ZNF750: variants seen among roughly 807,000 people sequenced by gnomAD.
ZNF750 encodes protein ZNF750.
In ZNF750, 10 loss-of-function variants were observed where a neutral mutation model predicts 31.6. The ratio of observed to expected loss-of-function variants is 0.32; its 90% CI spans 0.19 to 0.54. ZNF750 has a LOEUF of 0.54. Among genes scored for constraint, ZNF750 ranks in the 20% least tolerant of loss-of-function variants. The pLI is 0.95. For synonymous variants in ZNF750, 400 were observed against 404.9 expected, an observed-to-expected ratio of 0.99 and a Z score of 0.15; for missense variants, 914 against 934.9, an observed-to-expected ratio of 0.98 and a Z score of 0.29.
Position 82,832,899 on chromosome 17 carries a change from T to C in ZNF750, c.-182-263A>G, listed in dbSNP as rs74002542. Among the ~76,000 whole-genome samples the C allele has an allele frequency of 0.039, 5,969 of 152,192 alleles. 404 individuals are homozygous for C. Among genetic ancestry groups the C allele is most frequent in the African/African-American group, 0.13 (5,585 of 41,494 alleles). On this transcript the variant is annotated intron_variant, in intron 1 of 2. Coordinates refer to ENST00000269394, the MANE Select transcript of ZNF750 (RefSeq NM_024702.3). This position sits in a 1 kb window ranked among gnomAD's most constrained non-coding sequence, Gnocchi z 4.9. Reference sequence around the variant, plus strand: ...CTCGGGGCCTAGAGGTGGAGTGTGGTGTGTGGTGCGTTGAGTGTCTGTTCT... The same window carrying C: ...CTCGGGGCCTAGAGGTGGAGTGTGGCGTGTGGTGCGTTGAGTGTCTGTTCT...
At chr17:82,834,321 G>A (rs1418731725) in intron 1 of ZNF750, among the ~76,000 whole-genome samples, 1 of 152,200 alleles carries the variant, frequency 6.6e-6, no homozygotes, top group Non-Finnish European at 1.5e-5. Context: ...CAGCAACTGT[G>A]CCTGGGAGAC....
chr17:82,837,783 T>C (rs952215638), intron 1 of ZNF750, among the ~76,000 whole-genome samples: 2 of 152,252 alleles, frequency 1.3e-5, no homozygotes, highest in African/African-American at 4.8e-5. Flanking sequence ...CCCTGACTGC[T>C]GCTGGCTAAT....
chr17:82,837,669 A>G (rs1490451939), intron 1 of ZNF750, among the ~76,000 whole-genome samples: 1 of 152,172 alleles, frequency 6.6e-6, no homozygotes, highest in African/African-American at 2.4e-5. Flanking sequence ...TCCTCCTCTC[A>G]TTTCCCACTG....
At chr17:82,836,982 C>T (rs996920383) in intron 1 of ZNF750, among the ~76,000 whole-genome samples, 4 of 152,068 alleles carry the variant, frequency 2.6e-5, no homozygotes, top group Admixed American at 6.6e-5. Flanking sequence ...GAATTGGTGT[C>T]GATATGGAGT....
Position 82,835,816 on chromosome 17 carries a change from C to G in ZNF750, c.-182-3180G>C, listed in dbSNP as rs1237513587. Among the ~76,000 whole-genome samples the G allele has an allele frequency of 6.6e-6, 1 of 152,182 alleles. No individual in the cohort carries two copies. The highest frequency in any genetic ancestry group is 2.4e-5 in the African/African-American group (1 of 41,444). On this transcript the variant is annotated intron_variant, in intron 1 of 2. Coordinates refer to ENST00000269394, the MANE Select transcript of ZNF750 (RefSeq NM_024702.3). This position sits in a 1 kb window ranked among gnomAD's most constrained non-coding sequence, Gnocchi z 4.5. ...TTAAGTTCTTTAAGACATTTATTTA[C>G]TAAGAAGTGGTTTGGGTAGAAAAGG...
chr17:82,834,157 A>G (rs923063837), intron 1 of ZNF750, among the ~76,000 whole-genome samples: 1 of 152,130 alleles, frequency 6.6e-6, no homozygotes, highest in African/African-American at 2.4e-5. Context: ...CATGTGGGCC[A>G]GGCTGGTCTC....
intron 1 of ZNF750, among the ~76,000 whole-genome samples, chr17:82,836,440 C>T (rs1381032494): frequency 6.6e-6 from 1 of 152,242 alleles, no homozygotes; most frequent in Non-Finnish European, 1.5e-5. Flanking sequence ...GTGAGAGCTG[C>T]GTCCTCGCGA....
In ZNF750 at chr17:82,831,443, C is replaced by T; in HGVS notation, c.1012G>A (p.Val338Ile). ...FSSYGLRLPP[V>I]TGLTRDQSSH... Reference sequence around the variant, plus strand: ...CTCTGATCTCGGGTGAGGCCAGTGACAGGTGGGAGTCTGAGACCATAGGAG... The same window carrying T: ...CTCTGATCTCGGGTGAGGCCAGTGATAGGTGGGAGTCTGAGACCATAGGAG... The change falls in exon 2 of 3, where the codon GTC (valine) becomes ATC (isoleucine). Residue 338 changes from valine to isoleucine, a missense_variant. By Grantham distance (29) the Val-to-Ile change is conservative. Transcript: ENST00000269394. This position sits in a 1 kb window ranked among gnomAD's most constrained non-coding sequence, Gnocchi z 4.6. 1.2e-6 allele frequency: 2 copies of T among 1,614,154 alleles called. No homozygotes were observed. The highest frequency in any genetic ancestry group is 1.7e-6 in the Non-Finnish European group (2 of 1,180,022).
rs34808874 is a variant in ZNF750 at position 82,832,218 on chromosome 17, G to A, written c.237C>T (p.Pro79=). 588 of 1,614,232 alleles carry A rather than the reference G, an allele frequency of 3.6e-4. 3 individuals carry two copies. The African/African-American group carries it at 5.2e-3, about 14-fold the overall frequency. ...NSLDPKQTNQ[P]DATAKPASSK... is the part of the protein sequence containing the mutation. ...AAGAGGCTGGCTTCGCCGTGGCATC[G>A]GGCTGGTTGGTTTGCTTGGGGTCTA... The change falls in exon 2 of 3, where the codon CCC becomes CCT. Residue 79 remains proline, a synonymous_variant. Coordinates refer to ENST00000269394, the MANE Select transcript of ZNF750 (RefSeq NM_024702.3). The surrounding 1 kb of genome is among the most constrained non-coding windows in gnomAD (Gnocchi z 4.9).
chr17:82,839,251 TG>T (rs1213483261), intron 1 of ZNF750, among the ~76,000 whole-genome samples: 1 of 152,226 alleles, frequency 6.6e-6, no homozygotes, highest in African/African-American at 2.4e-5. Context: ...GTGTCTAATG[TG>T]TATACACCAC....
At position 82,831,132 on chromosome 17, in the gene ZNF750, T is replaced by C. The variant is rs773044377; in HGVS notation, c.1323A>G (p.Ala441=). 7 of 1,614,164 alleles carry C rather than the reference T, an allele frequency of 4.3e-6. No individual in the cohort carries two copies. The Admixed American group carries it at 5.0e-5, about 12-fold the overall frequency. The part of the protein sequence containing the change: ...YDLSNKAASS[A]LGRLYPPEQS... ...GCTCTGGCGGGTAGAGTCTTCCCAGTGCGCTGGAGGCTGCCTTGTTGGAGA... is the reference window on the plus strand; with the variant it reads ...GCTCTGGCGGGTAGAGTCTTCCCAGCGCGCTGGAGGCTGCCTTGTTGGAGA... Residue 441 remains alanine, a synonymous_variant, in exon 2 of 3, where the codon GCA becomes GCG. Transcript: ENST00000269394. The surrounding 1 kb of genome is among the most constrained non-coding windows in gnomAD (Gnocchi z 4.6).
At position 82,835,040 on chromosome 17, in the gene ZNF750, T is replaced by TG. The variant is rs1488216098; in HGVS notation, c.-182-2405dup. 6.6e-6 allele frequency among the ~76,000 whole-genome samples: 1 copy of TG among 152,052 alleles called. No individual in the cohort carries two copies. The highest frequency in any genetic ancestry group is 2.4e-5 in the African/African-American group (1 of 41,380). On this transcript the variant is annotated intron_variant, in intron 1 of 2. Coordinates refer to ENST00000269394, the MANE Select transcript of ZNF750 (RefSeq NM_024702.3). This position sits in a 1 kb window ranked among gnomAD's most constrained non-coding sequence, Gnocchi z 4.5. ...ATCCCACCACCGCACTGCAGCCTGG[T>TG]GGGCAACAGAATGAGACCCTGCCTC...
rs199882667 is a variant in ZNF750 at position 82,830,704 on chromosome 17, T to C, written c.1610A>G (p.Gln537Arg). 254 of 1,613,928 alleles carry C rather than the reference T, an allele frequency of 1.6e-4. No homozygotes were observed. The highest frequency in any genetic ancestry group is 1.1e-4 in the Non-Finnish European group (131 of 1,180,028). The change falls in exon 3 of 3, where the codon CAG (glutamine) becomes CGG (arginine). Residue 537 changes from glutamine to arginine, a missense_variant. Coordinates refer to ENST00000269394, the MANE Select transcript of ZNF750 (RefSeq NM_024702.3). ...CTCTGAGAAGCTGGCGGTTTCCGCCTGGGGGCTGCCTTGGTACGTGGGTTC... is the reference window on the plus strand; with the variant it reads ...CTCTGAGAAGCTGGCGGTTTCCGCCCGGGGGCTGCCTTGGTACGTGGGTTC... Reference protein sequence around the residue: ...THEPTYQGSPQAETASFSELQ... With the variant: ...THEPTYQGSPRAETASFSELQ...
rs1472455890 is a variant in ZNF750 at position 82,830,813 on chromosome 17, C to A, written c.1501G>T (p.Ala501Ser). 1 of 1,613,386 alleles carries A rather than the reference C, an allele frequency of 6.2e-7. No homozygotes were observed. The highest frequency in any genetic ancestry group is 1.7e-5 in the Admixed American group (1 of 60,018). ...GAGCTGTCGTCCGGACTGGAAGGCG[C>A]GGCCTCCGAGACGAGAGAGGCGCTT... ...TGSASLVSEAAPSSPDDSSGM... is the reference protein window; with the variant it reads ...TGSASLVSEASPSSPDDSSGM... The change falls in exon 3 of 3, where the codon GCG becomes TCG. Residue 501 changes from alanine to serine, a missense_variant. Coordinates refer to ENST00000269394, the MANE Select transcript of ZNF750 (RefSeq NM_024702.3).
At position 82,830,242 on chromosome 17, in the gene ZNF750, C is replaced by T. The variant is rs772166532; in HGVS notation, c.2072G>A (p.Ser691Asn). 1.9e-6 allele frequency: 3 copies of T among 1,614,260 alleles called. No homozygotes were observed. The highest frequency in any genetic ancestry group is 1.3e-5 in the African/African-American group (1 of 75,068). ...DLRPKGQKRT[S>N]LRDAGKSQQG... ...CTGGGATTTTCCAGCATCCCTTAGA[C>T]TTGTCCTCTTTTGTCCTTTGGGTCT... is the stretch of plus-strand genomic sequence containing the variant. Residue 691 changes from serine to asparagine, a missense_variant, in exon 3 of 3, where the codon AGT becomes AAT. By Grantham distance (46) the Ser-to-Asn change is conservative. This residue lies in a region of ZNF750 where 880 missense variants were observed against 868.9 expected (regional missense o/e 1.01). Transcript: ENST00000269394.
At position 82,830,382 on chromosome 17, in the gene ZNF750, G is replaced by A; in HGVS notation, c.1932C>T (p.Tyr644=). The change falls in exon 3 of 3, where the codon TAC becomes TAT. Residue 644 remains tyrosine (Y), a synonymous_variant. Coordinates refer to ENST00000269394, the MANE Select transcript of ZNF750 (RefSeq NM_024702.3). ...CGCCCACCCGGATGTTCCTGGGGCT[G>A]TAGGCCGCCAGCTGGCACAGGGCCA... ...AAVALCQLAA[Y]SPRNIRVGDG... is the part of the protein sequence containing the mutation. The A allele has an allele frequency of 6.2e-7, 1 of 1,612,618 alleles. No homozygotes were observed. The highest frequency in any genetic ancestry group is 8.5e-7 in the Non-Finnish European group (1 of 1,180,030).
rs2053316115 is a variant in ZNF750, at chr17:82,829,833, TGA to T, written c.*307_*308del. 2.6e-6 allele frequency: 1 copy of T among 382,562 alleles called. No homozygotes were observed. Among genetic ancestry groups the T allele is most frequent in the Non-Finnish European group, 4.7e-6 (1 of 210,908 alleles). The allele number at this position is 382,562 out of a possible 1,614,324, so 23.7% of individuals were successfully genotyped here. ...CAGTTAAAACAATTTGTTGTAATGGTGAGATATTTATAAGGAAACATTTATAA... is the reference window on the plus strand; with the variant it reads ...CAGTTAAAACAATTTGTTGTAATGGTGATATTTATAAGGAAACATTTATAA... On this transcript the variant is annotated 3_prime_UTR_variant, in exon 3 of 3. Transcript: ENST00000269394.
Position 82,833,980 on chromosome 17 carries a change from T to C in ZNF750, c.-182-1344A>G, listed in dbSNP as rs138570107. ...TTTTTTTGAGACAGAGTTTCTCCCT[T>C]GTTGCCCAGTCTGGAGTGCCATGGC... On this transcript the variant is annotated intron_variant, in intron 1 of 2. Coordinates refer to ENST00000269394, the MANE Select transcript of ZNF750 (RefSeq NM_024702.3). This position sits in a 1 kb window ranked among gnomAD's most constrained non-coding sequence, Gnocchi z 4.7. Among the ~76,000 whole-genome samples, 24,299 of 152,022 alleles carry C rather than the reference T, an allele frequency of 0.16. 2,211 individuals are homozygous for C. Among genetic ancestry groups the C allele is most frequent in the Admixed American group, 0.23 (3,511 of 15,268 alleles).
rs570605669 is a variant in ZNF750, at chr17:82,835,980, C to T, written c.-182-3344G>A. Among the ~76,000 whole-genome samples, 1 of 152,256 alleles carries T rather than the reference C, an allele frequency of 6.6e-6. No individual in the cohort carries two copies. The highest frequency in any genetic ancestry group is 6.5e-5 in the Admixed American group (1 of 15,286). On this transcript the variant is annotated intron_variant, in intron 1 of 2. Transcript: ENST00000269394. This position sits in a 1 kb window ranked among gnomAD's most constrained non-coding sequence, Gnocchi z 4.5. ...GGTGACACCCTGGGCTCAGACCCCGCGCTCAGCACCCGTCTCCCACCGTGG... is the reference window on the plus strand; with the variant it reads ...GGTGACACCCTGGGCTCAGACCCCGTGCTCAGCACCCGTCTCCCACCGTGG...
Sources: allele counts gnomAD v4.1 joint callset (sites outside exome capture counted in the v4.1 genomes callset), GRCh38; gene constraint gnomAD v4.1.1; regional missense constraint gnomAD v4.1.1; non-coding constraint Gnocchi (gnomAD v3.1); transcripts MANE v1.5; gene names NCBI Gene and HGNC (gene_info 2026-07-23, HGNC 2026-07-21).